FAM227A: variants seen among roughly 807,000 people sequenced by gnomAD.
The protein encoded by FAM227A is family with sequence similarity 227 member A, also known as protein FAM227A.
Under a neutral mutation model 74.7 loss-of-function variants are expected in FAM227A, and 80 were observed. That is an observed-to-expected ratio of 1.07 (90% confidence interval 0.89 to 1.29). The LOEUF (loss-of-function observed/expected upper bound fraction) is 1.29, where lower values mean the gene tolerates loss of function less well. FAM227A is among the 50% of genes most tolerant of loss of function. The pLI, the probability that FAM227A is intolerant of heterozygous loss-of-function variation, is 0.00. For synonymous variants in FAM227A, 237 were observed against 241.8 expected (o/e 0.98, Z 0.19); for missense variants, 654 against 683.4 (o/e 0.96, Z 0.48).
chr22:38,591,628 C>A, intron 15 of FAM227A, 88 bp from the exon 16 acceptor site: 1 of 842,232 alleles, frequency 1.2e-6, no homozygotes, highest in South Asian at 2.5e-5. Context: ...ACTGATAGAT[C>A]CACGTGACCA....
At chr22:38,600,244 T>C (rs913072730) in intron 13 of FAM227A, among the ~76,000 whole-genome samples, 2 of 151,986 alleles carry the variant, frequency 1.3e-5, no homozygotes, top group East Asian at 1.9e-4. Context: ...TCAGGTATAA[T>C]AGTAAATTTT....
intron 11 of FAM227A, among the ~76,000 whole-genome samples, chr22:38,611,475 T>C (rs921350706): frequency 1.3e-5 from 2 of 152,206 alleles, no homozygotes; most frequent in Non-Finnish European, 2.9e-5. Flanking sequence ...GGGAAAATTC[T>C]GGTTAAATTA....
At chr22:38,597,605 C>T (rs1436060790) in intron 14 of FAM227A, among the ~76,000 whole-genome samples, 1 of 152,188 alleles carries the variant, frequency 6.6e-6, no homozygotes, top group Non-Finnish European at 1.5e-5. Flanking sequence ...GAATAAAGTC[C>T]TTCTCTGCCC....
intron 11 of FAM227A, among the ~76,000 whole-genome samples, chr22:38,613,925 G>A (rs2091521366): frequency 6.6e-6 from 1 of 152,164 alleles, no homozygotes; most frequent in Non-Finnish European, 1.5e-5. Context: ...AGGCTGGAGT[G>A]CAGGGGTGCG....
At chr22:38,618,265 G>A (rs2091618557) in intron 11 of FAM227A, 1 of 152,178 alleles carries the variant, frequency 6.6e-6, no homozygotes, top group Admixed American at 6.5e-5. Flanking sequence ...TTGTGAAGGT[G>A]TCCCCACTTC....
At chr22:38,587,417 A>G (rs1352536808) in intron 16 of FAM227A, among the ~76,000 whole-genome samples, 1 of 152,224 alleles carries the variant, frequency 6.6e-6, no homozygotes, top group African/African-American at 2.4e-5. Flanking sequence ...GAACATGATT[A>G]CCGACCTTAC....
chr22:38,594,065 T>A (rs1420660807), intron 15 of FAM227A, among the ~76,000 whole-genome samples: 2 of 152,258 alleles, frequency 1.3e-5, no homozygotes, highest in East Asian at 1.9e-4. Context: ...TTTTATTCCT[T>A]CTGCTTCCTA....
At chr22:38,623,597 G>A (rs187662346) in intron 9 of FAM227A, among the ~76,000 whole-genome samples, 18 of 152,238 alleles carry the variant, frequency 1.2e-4, no homozygotes, top group African/African-American at 2.4e-4. Context: ...TCTGAAAAAC[G>A]GGGATGATGA....
chr22:38,628,086 T>G (rs1349110849), intron 8 of FAM227A, among the ~76,000 whole-genome samples, 152 bp downstream of exon 8: 3 of 152,234 alleles, frequency 2.0e-5, no homozygotes, highest in Non-Finnish European at 4.4e-5. Context: ...CTCTACTGTA[T>G]TTTTGTAACT....
At chr22:38,609,086 C>G (rs2091354847) in intron 11 of FAM227A, among the ~76,000 whole-genome samples, 1 of 152,172 alleles carries the variant, frequency 6.6e-6, no homozygotes, top group Admixed American at 6.6e-5. Context: ...AGCCACTGCA[C>G]CCAGCCAAGA....
chr22:38,618,971 G>GAAAAAA (rs1234791699), intron 11 of FAM227A, among the ~76,000 whole-genome samples: 48 of 81,554 alleles, frequency 5.9e-4, no homozygotes, highest in African/African-American at 2.0e-3. Flanking sequence ...CAGCTCTTCA[G>GAAAAAA]AAAAAAAAAA....
At chr22:38,613,148 ATATAT>A (rs1471624476) in intron 11 of FAM227A, among the ~76,000 whole-genome samples, 32 of 89,148 alleles carry the variant, frequency 3.6e-4, no homozygotes, top group African/African-American at 1.0e-3. Context: ...TATATATATT[ATATAT>A]TATATATCTA....
chr22:38,603,993 T>C (rs1289545768), intron 13 of FAM227A, among the ~76,000 whole-genome samples: 1 of 152,070 alleles, frequency 6.6e-6, no homozygotes, highest in African/African-American at 2.4e-5. Flanking sequence ...AATATGACTA[T>C]AATAATTAAA....
intron 13 of FAM227A, 30 bp from the exon 14 acceptor site, chr22:38,599,951 G>T: frequency 6.6e-7 from 1 of 1,516,562 alleles, no homozygotes; most frequent in South Asian, 1.3e-5. Flanking sequence ...GAAAAATAAA[G>T]GATATTGTCA....
chr22:38,607,568 C>T (rs2091312349), intron 11 of FAM227A, 92 bp from the exon 12 acceptor site: 4 of 854,342 alleles, frequency 4.7e-6, no homozygotes, highest in Non-Finnish European at 7.6e-6. Context: ...AAAAGTAATA[C>T]ATGCAATTTC....
Position 38,607,419 on chromosome 22 carries a change from T to C in FAM227A, c.1096A>G (p.Lys366Glu), listed in dbSNP as rs1030351758. The change falls in exon 12 of 17, where the codon AAA (lysine) becomes GAA (glutamate). Residue 366 changes from lysine to glutamate, a missense_variant. Transcript: ENST00000535113. Reference protein sequence around the residue: ...KTSSAKQNSEKSLRMQNTAKE... With the variant: ...KTSSAKQNSEESLRMQNTAKE... ...GCAGTATTCTGCATTCGTAAGCTTT[T>C]TTCTGAGTTCTGCTTGGCCGAAGAG... 6.4e-6 allele frequency: 10 copies of C among 1,551,402 alleles called. No homozygotes were observed. The highest frequency in any genetic ancestry group is 2.7e-5 in the African/African-American group (2 of 73,002).
chr22:38,591,194 C>A (rs2090925868), intron 16 of FAM227A, among the ~76,000 whole-genome samples: 1 of 152,100 alleles, frequency 6.6e-6, no homozygotes, highest in Non-Finnish European at 1.5e-5. Flanking sequence ...CATGGTGGCA[C>A]ACACCTGTGG....
chr22:38,583,247 A>C lies in FAM227A; in HGVS notation c.*2878T>G. ...GAGTGCAATGGTGCAATCTCAGCTC[A>C]CTGCATCCTCCACCTCCCGGGTTCA... On this transcript the variant is annotated 3_prime_UTR_variant, in exon 17 of 17. Transcript: ENST00000535113. 4.4e-6 allele frequency: 1 copy of C among 225,176 alleles called. No homozygotes were observed. The highest frequency in any genetic ancestry group is 5.4e-5 in the Admixed American group (1 of 18,464). The allele number at this position is 225,176 out of a possible 1,614,324, so 13.9% of individuals were successfully genotyped here.
chr22:38,614,664 A>C (rs539587545), intron 11 of FAM227A, among the ~76,000 whole-genome samples: 1 of 152,326 alleles, frequency 6.6e-6, no homozygotes, highest in African/African-American at 2.4e-5. Context: ...TTTGCCCATT[A>C]AAACTTCAGC....
Sources: allele counts gnomAD v4.1 joint callset (sites outside exome capture counted in the v4.1 genomes callset), GRCh38; gene constraint gnomAD v4.1.1; transcripts MANE v1.5; gene names NCBI Gene and HGNC (gene_info 2026-07-23, HGNC 2026-07-21).